GCNT4: variants seen among roughly 807,000 people sequenced by gnomAD.
GCNT4 encodes beta-1,3-galactosyl-O-glycosyl-glycoprotein beta-1,6-N-acetylglucosaminyltransferase 4.
Under a neutral mutation model 31.3 loss-of-function variants are expected in GCNT4, and 17 were observed. The observed-to-expected ratio is 0.54, with a 90% CI of 0.37 to 0.81. The LOEUF (loss-of-function observed/expected upper bound fraction) is 0.81, where lower values mean the gene tolerates loss of function less well. Among genes scored for constraint, GCNT4 ranks in the 40% least tolerant of loss-of-function variants. The probability of loss-of-function intolerance (pLI) is 0.00; values close to 1 mark genes in which losing one functional copy is unlikely to be tolerated. For missense variants in GCNT4, 503 were observed against 525.5 expected, an observed-to-expected ratio of 0.96 and a Z score of 0.42; for synonymous variants, 158 against 190.6, an observed-to-expected ratio of 0.83 and a Z score of 1.41.
rs1157796122 is a variant in GCNT4 at position 75,028,952 on chromosome 5, C to T, written c.1086G>A (p.Leu362=). Residue 362 remains leucine (L), a synonymous_variant, in exon 4 of 4, where the codon CTG becomes CTA. Coordinates refer to ENST00000652361, the MANE Select transcript of GCNT4 (RefSeq NM_001366737.1). ...ISRSAQDVSD[L]QSKTRLVKWN... ...ACTTGACAAGGCGAGTCTTACTCTG[C>T]AGATCAGACACATCCTGGGCTGATC... 2 of 1,613,942 alleles carry T rather than the reference C, an allele frequency of 1.2e-6. No homozygotes were observed. Among genetic ancestry groups the T allele is most frequent in the Non-Finnish European group, 1.7e-6 (2 of 1,180,016 alleles).
chr5:75,052,080 G>A lies in GCNT4; in HGVS notation c.-143+89C>T, dbSNP rs545282205. 2.0e-5 allele frequency: 3 copies of A among 152,124 alleles called. No individual in the cohort carries two copies. The South Asian group carries it at 6.2e-4, about 32-fold the overall frequency. The allele number at this position is 152,124 out of a possible 1,614,324, so 9.4% of individuals were successfully genotyped here. On this transcript the variant is annotated intron_variant, in intron 2 of 3. Coordinates refer to ENST00000652361, the MANE Select transcript of GCNT4 (RefSeq NM_001366737.1). ...CAAAAGCTGTCAGAATGAACTGTTA[G>A]TTTCTAGAATGTTTTAGGCTTATTG...
At chr5:75,023,359 G>C (rs1222722034), downstream of GCNT4, among the ~76,000 whole-genome samples, 3 of 152,118 alleles carry the variant, frequency 2.0e-5, no homozygotes, top group Non-Finnish European at 4.4e-5. Flanking sequence ...ATCCTGCACA[G>C]TTTCTGAGAA....
rs543233905 is a variant in GCNT4, at chr5:75,026,841, TG to T, written c.*1834del. 5 of 151,938 alleles carry T rather than the reference TG, an allele frequency of 3.3e-5. No individual in the cohort carries two copies. The highest frequency in any genetic ancestry group is 7.4e-5 in the Non-Finnish European group (5 of 68,006). The allele number at this position is 151,938 out of a possible 1,614,324, so 9.4% of individuals were successfully genotyped here. On this transcript the variant is annotated 3_prime_UTR_variant, in exon 4 of 4. Transcript: ENST00000652361. ...TACAATGTTTACTTATTTTGAAGAA[TG>T]GGGCTTGGTAATAGTTATTTCCAAA...
At position 75,026,632 on chromosome 5, in the gene GCNT4, T is replaced by C. The variant is rs1742949074; in HGVS notation, c.*2044A>G. The C allele has an allele frequency of 7.3e-6, 1 of 136,618 alleles. No homozygotes were observed. The highest frequency in any genetic ancestry group is 1.5e-5 in the Non-Finnish European group (1 of 65,962). The allele number at this position is 136,618 out of a possible 1,614,324, so 8.5% of individuals were successfully genotyped here. On this transcript the variant is annotated 3_prime_UTR_variant, in exon 4 of 4. Transcript: ENST00000652361. ...ATTTTCAAACCACTTCATATACTAT[T>C]TCAATCGATTCTCACAAAAAAAAAA... is the stretch of plus-strand genomic sequence containing the variant.
upstream of GCNT4, chr5:75,052,961 G>C (rs951418184): frequency 1.3e-5 from 2 of 152,122 alleles, no homozygotes; most frequent in African/African-American, 4.8e-5. Context: ...GCGCGCCCAC[G>C]AGCCGCTTCT....
intron 3 of GCNT4, among the ~76,000 whole-genome samples, chr5:75,046,017 C>T (rs1194323832): frequency 1.3e-5 from 2 of 152,108 alleles, no homozygotes; most frequent in African/African-American, 2.4e-5. Flanking sequence ...CAATGTTCAA[C>T]ATCAGTTGAA....
downstream of GCNT4, among the ~76,000 whole-genome samples, chr5:75,024,216 A>T (rs1450605266): frequency 1.3e-5 from 2 of 152,210 alleles, no homozygotes; most frequent in Non-Finnish European, 2.9e-5. Context: ...GAATCAAATC[A>T]GTCTTTAATA....
At chr5:75,053,514 C>A (rs1362408469), upstream of GCNT4, among the ~76,000 whole-genome samples, 1 of 152,134 alleles carries the variant, frequency 6.6e-6, no homozygotes, top group Non-Finnish European at 1.5e-5. Context: ...AGTCGACTTA[C>A]GAGAGGGAGC....
downstream of GCNT4, among the ~76,000 whole-genome samples, chr5:75,020,753 A>C (rs776789925): frequency 1.3e-5 from 2 of 152,196 alleles, no homozygotes; most frequent in Non-Finnish European, 2.9e-5. Context: ...CTGACCTACA[A>C]AAACAGCAGT....
Position 75,051,184 on chromosome 5 carries a change from G to C in GCNT4, c.-143+985C>G, listed in dbSNP as rs542792780. ...CTCACCTCTCCCCTCCCCCATGGCT[G>C]CTTAGTTTACACAGCTCCCACTCAT... On this transcript the variant is annotated intron_variant, in intron 2 of 3. Transcript: ENST00000652361. 3.3e-5 allele frequency among the ~76,000 whole-genome samples: 5 copies of C among 152,204 alleles called. No individual in the cohort carries two copies. In the East Asian group the frequency reaches 9.7e-4, roughly 29 times the overall value.
At position 75,027,622 on chromosome 5, in the gene GCNT4, T is replaced by C. The variant is rs184575612; in HGVS notation, c.*1054A>G. ...TTATCACTTTAAATCTGGATTCCAG[T>C]TGGACAGTTGCCAGAGAAGAAAAAA... On this transcript the variant is annotated 3_prime_UTR_variant, in exon 4 of 4. Transcript: ENST00000652361. The C allele has an allele frequency of 4.6e-5, 7 of 152,214 alleles. No individual in the cohort carries two copies. The highest frequency in any genetic ancestry group is 5.9e-5 in the Non-Finnish European group (4 of 67,936). The allele number at this position is 152,214 out of a possible 1,614,324, so 9.4% of individuals were successfully genotyped here. A position where few individuals can be genotyped will look rare whatever the true frequency, so the allele number is the denominator to read the frequency against.
At chr5:75,048,608 G>C (rs1206300103) in intron 2 of GCNT4, among the ~76,000 whole-genome samples, 2 of 152,242 alleles carry the variant, frequency 1.3e-5, no homozygotes, top group Admixed American at 6.5e-5. Context: ...CAAAGCTGCA[G>C]AATGCGAAAG....
intron 2 of GCNT4, among the ~76,000 whole-genome samples, chr5:75,050,524 C>T (rs1027674095): frequency 6.6e-5 from 10 of 152,076 alleles, no homozygotes; most frequent in African/African-American, 2.4e-4. Flanking sequence ...AGACCACACC[C>T]CTCGTACAGA....
At chr5:75,044,038 C>A (rs1353529100) in intron 3 of GCNT4, among the ~76,000 whole-genome samples, 1 of 152,158 alleles carries the variant, frequency 6.6e-6, no homozygotes, top group Non-Finnish European at 1.5e-5. Flanking sequence ...GCTCGCCACG[C>A]CTCAGTTAAG....
intron 3 of GCNT4, among the ~76,000 whole-genome samples, chr5:75,043,126 T>C (rs1743356432): frequency 1.3e-5 from 2 of 152,242 alleles, no homozygotes; most frequent in South Asian, 4.1e-4. Flanking sequence ...TAGGTTTTAT[T>C]TCAGGTTAAT....
At chr5:75,046,985 T>C (rs1270355050) in intron 3 of GCNT4, among the ~76,000 whole-genome samples, 1 of 152,244 alleles carries the variant, frequency 6.6e-6, no homozygotes, top group Non-Finnish European at 1.5e-5. Flanking sequence ...GAAAAATTTG[T>C]ACAAACTTTG....
chr5:75,025,273 G>A (rs1233692136), downstream of GCNT4: 1 of 152,236 alleles, frequency 6.6e-6, no homozygotes, highest in African/African-American at 2.4e-5. Flanking sequence ...TAAGGGGCAA[G>A]TGCCATAAAC....
intron 2 of GCNT4, among the ~76,000 whole-genome samples, chr5:75,051,765 C>T (rs1318182460): frequency 6.6e-6 from 1 of 152,212 alleles, no homozygotes; most frequent in African/African-American, 2.4e-5. Context: ...TGACATTTAG[C>T]AAATCAGTAT....
downstream of GCNT4, among the ~76,000 whole-genome samples, chr5:75,021,388 C>T (rs1163899847): frequency 6.6e-6 from 1 of 152,168 alleles, no homozygotes; most frequent in Non-Finnish European, 1.5e-5. Flanking sequence ...GATCAGGCGC[C>T]CACTCCTTAG....
Sources: gnomAD v4.1 joint callset for allele counts (sites outside exome capture counted in the v4.1 genomes callset) on GRCh38, gnomAD v4.1.1 for gene constraint, MANE v1.5 for transcripts, NCBI Gene and HGNC (gene_info 2026-07-23, HGNC 2026-07-21) for gene names.